ABITRAM: variants seen among roughly 807,000 people sequenced by gnomAD.
ABITRAM encodes protein Abitram.
In ABITRAM, 19 loss-of-function variants were observed where a neutral mutation model predicts 22.9. The ratio of observed to expected loss-of-function variants is 0.83; its 90% CI spans 0.58 to 1.22. The LOEUF (loss-of-function observed/expected upper bound fraction) is 1.22. Ranked by LOEUF, ABITRAM falls within the 50% of genes most tolerant of loss-of-function variation. The pLI, the probability that ABITRAM is intolerant of heterozygous loss-of-function variation, is 0.00. For missense variants in ABITRAM, 215 were observed against 220.2 expected (o/e 0.98, Z 0.15); for synonymous variants, 70 against 73.9 (o/e 0.95, Z 0.27).
chr9:108,945,971 T>G (rs943395484), intron 3 of ABITRAM, among the ~76,000 whole-genome samples: 1 of 152,094 alleles, frequency 6.6e-6, no homozygotes, highest in Admixed American at 6.5e-5. Context: ...GCACTACCAC[T>G]CACTCTGTTG....
At chr9:108,935,849 G>C in intron 2 of ABITRAM, 160 bp downstream of exon 2, 2 of 593,270 alleles carry the variant, frequency 3.4e-6, no homozygotes, top group South Asian at 2.1e-5. Context: ...GAGTTTGTTT[G>C]GCAAGAATGA....
intron 3 of ABITRAM, among the ~76,000 whole-genome samples, chr9:108,937,275 T>A (rs1193950336): frequency 6.6e-6 from 1 of 152,224 alleles, no homozygotes; most frequent in Non-Finnish European, 1.5e-5. Context: ...CCCCTGTACC[T>A]GCACACAACA....
downstream of ABITRAM, chr9:108,944,016 A>C (rs1323954883): frequency 6.2e-7 from 1 of 1,613,248 alleles, no homozygotes; most frequent in Non-Finnish European, 8.5e-7. Flanking sequence ...CTGCAGCAAA[A>C]ACCTGGTAGA....
At chr9:108,938,123 G>A (rs1341877260) in intron 3 of ABITRAM, among the ~76,000 whole-genome samples, 3 of 152,158 alleles carry the variant, frequency 2.0e-5, no homozygotes, top group Admixed American at 6.5e-5. Context: ...CCCAAAGGAG[G>A]TGACAAAAAG....
intron 1 of ABITRAM, among the ~76,000 whole-genome samples, 153 bp downstream of exon 1, chr9:108,934,718 A>C (rs1587933058): frequency 6.6e-6 from 1 of 152,258 alleles, no homozygotes; most frequent in East Asian, 1.9e-4. Flanking sequence ...AGCCCCAGGG[A>C]ATGGCATTTG....
Position 108,940,510 on chromosome 9 carries a change from T to C in ABITRAM, c.*824T>C, listed in dbSNP as rs1830242996. ...GAAGAGGCCGGAGTGTAGAGTATAT[T>C]ATATCTTCTGTCCCCCTTATGCCAA... On this transcript the variant is annotated 3_prime_UTR_variant, in exon 6 of 6. Coordinates refer to ENST00000322940, the MANE Select transcript of ABITRAM (RefSeq NM_017832.4). 1 of 152,146 alleles carries C rather than the reference T, an allele frequency of 6.6e-6. No homozygotes were observed. The highest frequency in any genetic ancestry group is 2.4e-5 in the African/African-American group (1 of 41,422). 9.4% of individuals were successfully genotyped at this position (152,146 alleles called of 1,614,324 possible).
intron 2 of ABITRAM, 75 bp from the exon 3 acceptor site, chr9:108,936,233 T>G (rs746164965): frequency 2.0e-6 from 3 of 1,526,996 alleles, no homozygotes; most frequent in Non-Finnish European, 2.7e-6. Context: ...GTTCATACAT[T>G]CTTGTTCCAA....
At position 108,939,690 on chromosome 9, in the gene ABITRAM, T is replaced by C. The variant is rs754660371; in HGVS notation, c.*4T>C. 6.8e-6 allele frequency: 11 copies of C among 1,613,232 alleles called. No homozygotes were observed. Among genetic ancestry groups the C allele is most frequent in the African/African-American group, 1.3e-5 (1 of 75,006 alleles). On this transcript the variant is annotated 3_prime_UTR_variant, in exon 6 of 6. Coordinates refer to ENST00000322940, the MANE Select transcript of ABITRAM (RefSeq NM_017832.4). ...TGCCACAACAGCTACGTCATGAGGATTGACATGGAACAAAAAGCAAAGTGG... is the reference window on the plus strand; with the variant it reads ...TGCCACAACAGCTACGTCATGAGGACTGACATGGAACAAAAAGCAAAGTGG...
chr9:108,947,936 T>C (rs1244773821), intron 3 of ABITRAM, among the ~76,000 whole-genome samples: 1 of 152,242 alleles, frequency 6.6e-6, no homozygotes, highest in Non-Finnish European at 1.5e-5. Context: ...ATTGCATCTA[T>C]TGACTACCAA....
In ABITRAM at chr9:108,934,461, C is replaced by A. The variant is rs1830131237; in HGVS notation, c.-26C>A. 7 of 1,574,420 alleles carry A rather than the reference C, an allele frequency of 4.4e-6. No homozygotes were observed. Among genetic ancestry groups the A allele is most frequent in the Admixed American group, 3.6e-5 (2 of 55,708 alleles). ...GAGGAAGCGCTGGGGTCCCGGAGGG[C>A]GGGGGTGGCGGCGCCGGAGGTCGCC... On this transcript the variant is annotated 5_prime_UTR_variant, in exon 1 of 6. Coordinates refer to ENST00000322940, the MANE Select transcript of ABITRAM (RefSeq NM_017832.4).
At chr9:108,950,418 A>G (rs1489477547) in intron 3 of ABITRAM, 4 of 1,384,544 alleles carry the variant, frequency 2.9e-6, no homozygotes, top group South Asian at 1.4e-5. Flanking sequence ...ATGGTCTCCA[A>G]TGATGGAAAA....
chr9:108,942,591 AC>A, downstream of ABITRAM: 2 of 573,550 alleles, frequency 3.5e-6, no homozygotes. Context: ...AATTACCAAG[AC>A]ATTTATTAGT....
downstream of ABITRAM, among the ~76,000 whole-genome samples, chr9:108,944,425 A>G (rs1385811343): frequency 6.6e-6 from 1 of 152,250 alleles, no homozygotes; most frequent in Non-Finnish European, 1.5e-5. Context: ...AATTCCATCT[A>G]GGCAAGACAA....
At position 108,939,839 on chromosome 9, in the gene ABITRAM, G is replaced by A. The variant is rs1564115991; in HGVS notation, c.*153G>A. 9.4e-6 allele frequency: 8 copies of A among 846,696 alleles called. No individual in the cohort carries two copies. In the South Asian group the frequency reaches 9.9e-5, roughly 10 times the overall value. The allele number at this position is 846,696 out of a possible 1,614,324, so 52.4% of individuals were successfully genotyped here. A position where few individuals can be genotyped will look rare whatever the true frequency, so the allele number is the denominator to read the frequency against. On this transcript the variant is annotated 3_prime_UTR_variant, in exon 6 of 6. Coordinates refer to ENST00000322940, the MANE Select transcript of ABITRAM (RefSeq NM_017832.4). ...GTGCTTCACTTAGTTTTCCCTCTCT[G>A]TCTTCATAATGAGCCTTGGTTCCCA...
At chr9:108,943,003 G>C (rs1830288167), downstream of ABITRAM, 1 of 1,612,796 alleles carries the variant, frequency 6.2e-7, no homozygotes, top group African/African-American at 1.3e-5. Flanking sequence ...GTTGGACTAA[G>C]AGAGCCATCA....
chr9:108,936,173 G>A (rs1000180429), intron 2 of ABITRAM, 135 bp from the exon 3 acceptor site: 13 of 900,888 alleles, frequency 1.4e-5, no homozygotes, highest in Non-Finnish European at 2.0e-5. Context: ...TGCCCCAATA[G>A]TAGCCAAAGG....
intron 3 of ABITRAM, among the ~76,000 whole-genome samples, chr9:108,946,944 A>G (rs2132081581): frequency 6.6e-6 from 1 of 152,290 alleles, no homozygotes; most frequent in East Asian, 1.9e-4. Context: ...CAGAATTTCA[A>G]CTATCTTAAG....
intron 3 of ABITRAM, among the ~76,000 whole-genome samples, chr9:108,937,712 G>A (rs1830206644): frequency 6.6e-6 from 1 of 152,096 alleles, no homozygotes; most frequent in Admixed American, 6.6e-5. Flanking sequence ...CTTAAGGCAG[G>A]TACAGTTGCT....
rs1198246650 is a variant in ABITRAM, at chr9:108,939,190, A to T, written c.262-6A>T. On this transcript the variant is annotated splice_polypyrimidine_tract_variant and splice_region_variant and intron_variant, in intron 3 of 5. Coordinates refer to ENST00000322940, the MANE Select transcript of ABITRAM (RefSeq NM_017832.4). ...AACTGATTACTTCTTCCGTCTCATT[A>T]CACAGGGGGCACAGTTTCTAACAGA... 1 of 1,612,766 alleles carries T rather than the reference A, an allele frequency of 6.2e-7. No homozygotes were observed. The highest frequency in any genetic ancestry group is 1.3e-5 in the African/African-American group (1 of 74,866).
Sources: allele counts gnomAD v4.1 joint callset (sites outside exome capture counted in the v4.1 genomes callset), GRCh38; gene constraint gnomAD v4.1.1; transcripts MANE v1.5; gene names NCBI Gene and HGNC (gene_info 2026-07-23, HGNC 2026-07-21).